Variants in RABEP1 observed in about 807,000 individuals in gnomAD.
RABEP1 encodes the protein rabaptin, RAB GTPase binding effector protein 1, also known as rab GTPase-binding effector protein 1.
In RABEP1, 51 loss-of-function variants were observed where a neutral mutation model predicts 123.4. The ratio of observed to expected loss-of-function variants is 0.41; its 90% CI spans 0.33 to 0.52. The LOEUF is 0.52. RABEP1 is among the 20% of genes least tolerant of loss of function. The pLI is 0.16. For missense variants in RABEP1, 888 were observed against 996.3 expected (o/e 0.89, Z 1.46); for synonymous variants, 347 against 355.2 (o/e 0.98, Z 0.26).
At chr17:5,361,000 A>G in intron 8 of RABEP1, 1 of 560,892 alleles carries the variant, frequency 1.8e-6, no homozygotes. Flanking sequence ...GAGGTCAGGG[A>G]TTATATCTTG....
intron 2 of RABEP1, among the ~76,000 whole-genome samples, chr17:5,310,297 C>T (rs893120422): frequency 1.0e-4 from 10 of 97,310 alleles, no homozygotes; most frequent in Non-Finnish European, 1.8e-4. Flanking sequence ...ATGAAAGCTT[C>T]GTCCTTTTTT....
At chr17:5,283,846 G>C (rs1296926695) in intron 1 of RABEP1, 1 of 152,204 alleles carries the variant, frequency 6.6e-6, no homozygotes, top group Non-Finnish European at 1.5e-5. Context: ...TAAGCATTTA[G>C]ACTTTTATAA....
intron 1 of RABEP1, among the ~76,000 whole-genome samples, chr17:5,299,129 G>T (rs1389307252): frequency 6.6e-6 from 1 of 152,140 alleles, no homozygotes; most frequent in Non-Finnish European, 1.5e-5. Context: ...TGTGTGGAGG[G>T]GGTGTGGTGG....
rs2144738155 is a variant in RABEP1, at chr17:5,381,439, A to G, written c.2421A>G (p.Leu807=). 1 of 1,613,724 alleles carries G rather than the reference A, an allele frequency of 6.2e-7. No individual in the cohort carries two copies. Among genetic ancestry groups the G allele is most frequent in the Admixed American group, 1.7e-5 (1 of 60,004 alleles). Residue 807 remains leucine, a synonymous_variant, in exon 17 of 18, where the codon TTA becomes TTG. Transcript: ENST00000537505. The part of the protein sequence containing the change: ...MFEEKNKAQR[L]QTELDVSEQV... ...AAGAGAAGAATAAAGCTCAGAGATT[A>G]CAGACAGAATTAGATGTCAGTGAGC...
At chr17:5,327,312 C>T (rs1300849570) in intron 2 of RABEP1, among the ~76,000 whole-genome samples, 1 of 149,148 alleles carries the variant, frequency 6.7e-6, no homozygotes, top group East Asian at 2.0e-4. Flanking sequence ...CATGCCACTG[C>T]ATTCCAGCCT....
chr17:5,367,340 T>C (rs193057857), intron 11 of RABEP1, among the ~76,000 whole-genome samples: 237 of 151,668 alleles, frequency 1.6e-3, no homozygotes, highest in East Asian at 5.7e-3. Context: ...GGCACGATCT[T>C]GGCTCACTGC....
At chr17:5,378,015 C>T (rs1310841024) in intron 14 of RABEP1, among the ~76,000 whole-genome samples, 162 bp from the exon 15 acceptor site, 2 of 152,108 alleles carry the variant, frequency 1.3e-5, no homozygotes, top group Non-Finnish European at 2.9e-5. Context: ...TTTCCCTGAG[C>T]CTAAATATGC....
At chr17:5,283,787 T>A (rs749985962) in intron 1 of RABEP1, 3 of 152,218 alleles carry the variant, frequency 2.0e-5, no homozygotes, top group Non-Finnish European at 2.9e-5. Context: ...TCAGAGCCTG[T>A]TAGCCTGTAG....
At chr17:5,382,930 C>CAAAAAAAAA (rs971836974) in intron 17 of RABEP1, among the ~76,000 whole-genome samples, 192 bp from the exon 18 acceptor site, 2,153 of 151,190 alleles carry the variant, frequency 0.014, 44 homozygotes, top group African/African-American at 0.05. Context: ...CTCTCCCCCC[C>CAAAAAAAAA]AAAAAAAAAT....
chr17:5,358,337 G>GATTTT lies in RABEP1; in HGVS notation c.1096-2855_1096-2851dup, dbSNP rs1276001108. ...TACAAAAATCATTATGGATGCATCTGATTTTATTTTATTTTATTTTTTAGT... is the reference window on the plus strand; with the variant it reads ...TACAAAAATCATTATGGATGCATCTGATTTTATTTTATTTTATTTTATTTTTTAGT... On this transcript the variant is annotated intron_variant, in intron 8 of 17. Coordinates refer to ENST00000537505, the MANE Select transcript of RABEP1 (RefSeq NM_004703.6). Among the ~76,000 whole-genome samples, 6 of 152,228 alleles carry GATTTT rather than the reference G, an allele frequency of 3.9e-5. No individual in the cohort carries two copies. The East Asian group carries it at 9.6e-4, about 24-fold the overall frequency.
chr17:5,338,983 C>A (rs572474472), intron 5 of RABEP1, among the ~76,000 whole-genome samples: 2 of 152,068 alleles, frequency 1.3e-5, no homozygotes, highest in African/African-American at 4.8e-5. Flanking sequence ...ATAGTGAGAC[C>A]CCTGTCTCTA....
intron 1 of RABEP1, among the ~76,000 whole-genome samples, chr17:5,295,710 A>C (rs2144477387): frequency 6.6e-6 from 1 of 152,290 alleles, no homozygotes; most frequent in East Asian, 1.9e-4. Context: ...GTAGCTTCAA[A>C]AGTGAAGGGT....
chr17:5,293,154 G>C, intron 1 of RABEP1, among the ~76,000 whole-genome samples: 1 of 152,120 alleles, frequency 6.6e-6, no homozygotes, highest in East Asian at 1.9e-4. Context: ...GGGTGTGGTG[G>C]TGCGTGCCTG....
chr17:5,368,156 T>C (rs77435018), intron 11 of RABEP1, among the ~76,000 whole-genome samples: 2,483 of 152,320 alleles, frequency 0.016, 108 homozygotes, highest in East Asian at 0.14. Context: ...AATGTATGGC[T>C]GCATGTGACT....
In RABEP1 at chr17:5,356,612, A is replaced by G. The variant is rs551787833; in HGVS notation, c.1095+2122A>G. 3 of 166,026 alleles carry G rather than the reference A, an allele frequency of 1.8e-5. No individual in the cohort carries two copies. In the South Asian group the frequency reaches 6.2e-4, roughly 34 times the overall value. The allele number at this position is 166,026 out of a possible 1,614,324, so 10.3% of individuals were successfully genotyped here. A position where few individuals can be genotyped will look rare whatever the true frequency, so the allele number is the denominator to read the frequency against. On this transcript the variant is annotated intron_variant, in intron 8 of 17. Coordinates refer to ENST00000537505, the MANE Select transcript of RABEP1 (RefSeq NM_004703.6). ...TCTTCCTTTCCTTATTTTCTTTTCCAGAGATAATATATATGTTAACATATG... is the reference window on the plus strand; with the variant it reads ...TCTTCCTTTCCTTATTTTCTTTTCCGGAGATAATATATATGTTAACATATG...
rs1395029846 is a variant in RABEP1, at chr17:5,361,366, A to G, written c.1254A>G (p.Gln418=). The G allele has an allele frequency of 8.1e-6, 13 of 1,614,194 alleles. No homozygotes were observed. In the South Asian group the frequency reaches 1.2e-4, roughly 15 times the overall value. ...TDSLGTSGSL[Q]SKALGYNYKA... ...GCTTGGGAACCTCGGGCTCATTGCA[A>G]TCCAAAGCTTTAGGCTATAACTACA... Residue 418 remains glutamine, a synonymous_variant, in exon 9 of 18, where the codon CAA becomes CAG. Coordinates refer to ENST00000537505, the MANE Select transcript of RABEP1 (RefSeq NM_004703.6).
At chr17:5,382,087 T>A (rs1380375172) in intron 17 of RABEP1, among the ~76,000 whole-genome samples, 6 of 151,816 alleles carry the variant, frequency 4.0e-5, no homozygotes, top group South Asian at 4.2e-4. Context: ...CTTCGGATTT[T>A]TTTTTTTTTT....
chr17:5,351,823 C>T (rs555434343), intron 7 of RABEP1, among the ~76,000 whole-genome samples: 11 of 152,038 alleles, frequency 7.2e-5, no homozygotes, highest in Non-Finnish European at 1.3e-4. Context: ...TATATATTTC[C>T]CATAAGCATT....
chr17:5,367,021 G>A (rs897742393), intron 11 of RABEP1, among the ~76,000 whole-genome samples: 7 of 150,858 alleles, frequency 4.6e-5, no homozygotes, highest in East Asian at 2.1e-4. Context: ...CCCGGGAGGC[G>A]GAGGTTGCAG....
Sources: allele counts gnomAD v4.1 joint callset (sites outside exome capture counted in the v4.1 genomes callset), GRCh38; gene constraint gnomAD v4.1.1; transcripts MANE v1.5; gene names NCBI Gene and HGNC (gene_info 2026-07-23, HGNC 2026-07-21).